SYT7: variants seen among roughly 807,000 people sequenced by gnomAD.
SYT7 encodes synaptotagmin-7.
A neutral mutation model predicts 75.1 loss-of-function variants in SYT7; 29 were observed. The ratio of observed to expected loss-of-function variants is 0.39; its 90% CI spans 0.29 to 0.53. The LOEUF is 0.53. Ranked by LOEUF, SYT7 falls within the 20% of genes least tolerant of loss-of-function variation. The pLI, the probability that SYT7 is intolerant of heterozygous loss-of-function variation, is 0.77. For missense variants in SYT7, 693 were observed against 953.2 expected (o/e 0.73, Z 3.59); for synonymous variants, 376 against 401.7 (o/e 0.94, Z 0.76).
intron 3 of SYT7, among the ~76,000 whole-genome samples, chr11:61,547,515 C>G (rs1717885876): frequency 6.6e-6 from 1 of 152,174 alleles, no homozygotes; most frequent in Admixed American, 6.5e-5. Flanking sequence ...CACACGCACA[C>G]ATGTGCAAAC....
intron 12 of SYT7, among the ~76,000 whole-genome samples, chr11:61,519,715 C>T (rs1318492282): frequency 2.6e-5 from 4 of 152,320 alleles, no homozygotes; most frequent in Middle Eastern, 3.4e-3. Context: ...AAATGTGAGA[C>T]GCTAACAACT....
chr11:61,519,940 C>A (rs2062262071), intron 12 of SYT7, among the ~76,000 whole-genome samples: 1 of 152,162 alleles, frequency 6.6e-6, no homozygotes, highest in South Asian at 2.1e-4. Context: ...CCTGCCTCAG[C>A]CTCCCGAGTA....
In SYT7 at chr11:61,513,768, T is replaced by C. The variant is rs186885580; in HGVS notation, c.*4859A>G. Among the ~76,000 whole-genome samples, 63 of 152,288 alleles carry C rather than the reference T, an allele frequency of 4.1e-4. No individual in the cohort carries two copies. The highest frequency in any genetic ancestry group is 5.9e-4 in the Admixed American group (9 of 15,302). ...ACACCTGGGCGTGCCACATGGAACA[T>C]GTATGCAGACAGGGATCCCTGCCCA... On this transcript the variant is annotated 3_prime_UTR_variant, in exon 13 of 13. Transcript: ENST00000539008.
At chr11:61,557,922 C>T (rs2063539219) in intron 1 of SYT7, among the ~76,000 whole-genome samples, 1 of 152,200 alleles carries the variant, frequency 6.6e-6, no homozygotes, top group Admixed American at 6.5e-5. Flanking sequence ...AGGAGCAGGG[C>T]ACTCCACCAC....
chr11:61,538,642 A>G (rs556570692), intron 6 of SYT7, among the ~76,000 whole-genome samples: 2 of 152,148 alleles, frequency 1.3e-5, no homozygotes, highest in South Asian at 2.1e-4. Context: ...GACAGTCCCA[A>G]GGGAACACGG....
At chr11:61,547,632 G>C (rs1449450830) in intron 3 of SYT7, among the ~76,000 whole-genome samples, 2 of 151,862 alleles carry the variant, frequency 1.3e-5, no homozygotes, top group African/African-American at 2.4e-5. Context: ...TGGTGGGAGA[G>C]AGAAAATGAT....
chr11:61,524,241 C>T lies in SYT7; in HGVS notation c.1641+122G>A, dbSNP rs1590825848. 1 of 1,216,628 alleles carries T rather than the reference C, an allele frequency of 8.2e-7. No homozygotes were observed. Among genetic ancestry groups the T allele is most frequent in the East Asian group, 2.5e-5 (1 of 39,680 alleles). The allele number at this position is 1,216,628 out of a possible 1,614,324, so 75.4% of individuals were successfully genotyped here. On this transcript the variant is annotated intron_variant, in intron 10 of 12. Coordinates refer to ENST00000539008, the MANE Select transcript of SYT7 (RefSeq NM_001365809.2). The surrounding 1 kb of genome is among the most constrained non-coding windows in gnomAD (Gnocchi z 4.1). ...AGCGAGGGCTGAGCTCCATCGGGTC[C>T]ACCCATCTGCACCCTCTCCCACAGC...
At chr11:61,526,800 T>C (rs1014439501) in intron 9 of SYT7, among the ~76,000 whole-genome samples, 1 of 152,124 alleles carries the variant, frequency 6.6e-6, no homozygotes, top group Non-Finnish European at 1.5e-5. Context: ...CAGAAACACA[T>C]GGACACTCAC....
intron 7 of SYT7, among the ~76,000 whole-genome samples, chr11:61,536,861 GC>G (rs1326633892): frequency 2.0e-5 from 3 of 152,170 alleles, no homozygotes; most frequent in African/African-American, 7.2e-5. Context: ...GCCCCTAGGG[GC>G]CTCTCAAGAG....
chr11:61,531,440 G>A (rs2062704843), intron 8 of SYT7, among the ~76,000 whole-genome samples: 1 of 152,050 alleles, frequency 6.6e-6, no homozygotes, highest in East Asian at 1.9e-4. Flanking sequence ...AGAGAAGACA[G>A]CTGGGGCCAG....
At position 61,518,667 on chromosome 11, in the gene SYT7, G is replaced by A; in HGVS notation, c.2021C>T (p.Pro674Leu). The A allele has an allele frequency of 1.3e-6, 2 of 1,549,644 alleles. No individual in the cohort carries two copies. The highest frequency in any genetic ancestry group is 1.7e-6 in the Non-Finnish European group (2 of 1,145,912). The part of the protein sequence containing the change: ...VKHWKDMIAR[P>L]RQPVAQWHQL... ...GTGCCACTGGGCCACGGGCTGCCGG[G>A]GACGGGCAATCATGTCCTTCCAGTG... The change falls in exon 13 of 13, where the codon CCC becomes CTC. Residue 674 changes from proline (P) to leucine (L), a missense_variant. Around this residue, in one of 2 missense-constraint regions of SYT7, gnomAD observed 206 missense variants for 360.0 expected, o/e 0.57. Coordinates refer to ENST00000539008, the MANE Select transcript of SYT7 (RefSeq NM_001365809.2).
At chr11:61,533,572 C>G (rs1013746530) in intron 7 of SYT7, 1 of 985,294 alleles carries the variant, frequency 1.0e-6, no homozygotes, top group Admixed American at 6.1e-5. Context: ...TCTGCAAACA[C>G]GCCCAGAATG....
chr11:61,572,446 C>CA (rs2063948641), intron 1 of SYT7, among the ~76,000 whole-genome samples: 1 of 152,202 alleles, frequency 6.6e-6, no homozygotes, highest in Non-Finnish European at 1.5e-5. Flanking sequence ...GATAAGGAGG[C>CA]ACCAGGCAAC....
At position 61,576,573 on chromosome 11, in the gene SYT7, C is replaced by G. The variant is rs1221940125; in HGVS notation, c.31+4217G>C. 1.3e-5 allele frequency among the ~76,000 whole-genome samples: 2 copies of G among 152,356 alleles called. No homozygotes were observed. Among genetic ancestry groups the G allele is most frequent in the Non-Finnish European group, 1.5e-5 (1 of 68,026 alleles). On this transcript the variant is annotated intron_variant, in intron 1 of 12. Transcript: ENST00000539008. The surrounding 1 kb of genome is among the most constrained non-coding windows in gnomAD (Gnocchi z 4.1). ...AGCTCCGGACTGGGCCTCCCGCCCCCACGTGACCCCTCCCAGCTCTTCTCC... is the reference window on the plus strand; with the variant it reads ...AGCTCCGGACTGGGCCTCCCGCCCCGACGTGACCCCTCCCAGCTCTTCTCC...
At chr11:61,555,352 G>C (rs1273604016) in intron 2 of SYT7, among the ~76,000 whole-genome samples, 1 of 152,224 alleles carries the variant, frequency 6.6e-6, no homozygotes. Flanking sequence ...CTTCTGGGCC[G>C]GGCGGCAGGA....
chr11:61,559,373 G>A (rs1382811238), intron 1 of SYT7, among the ~76,000 whole-genome samples: 3 of 152,142 alleles, frequency 2.0e-5, no homozygotes, highest in East Asian at 1.9e-4. Context: ...GTGAGGAGCC[G>A]GACTTAGGGT....
chr11:61,574,402 A>T (rs114112471), intron 1 of SYT7, among the ~76,000 whole-genome samples: 275 of 152,272 alleles, frequency 1.8e-3, no homozygotes, highest in African/African-American at 6.5e-3. Flanking sequence ...AGCTCAAGCA[A>T]GCTGTCCCTG....
intron 1 of SYT7, among the ~76,000 whole-genome samples, chr11:61,573,193 G>C (rs926346930): frequency 6.6e-6 from 1 of 152,160 alleles, no homozygotes; most frequent in Non-Finnish European, 1.5e-5. Flanking sequence ...CTGATGCCTG[G>C]GGGGGTTATG....
chr11:61,533,317 T>C (rs1047277388), intron 7 of SYT7, 193 bp from the exon 8 acceptor site: 3 of 985,308 alleles, frequency 3.0e-6, no homozygotes, highest in African/African-American at 3.5e-5. Flanking sequence ...CCATTCTCCT[T>C]GCAGCCTCTA....
Sources: gnomAD v4.1 joint callset for allele counts (sites outside exome capture counted in the v4.1 genomes callset) on GRCh38, gnomAD v4.1.1 for gene constraint, gnomAD v4.1.1 regional missense constraint, Gnocchi (gnomAD v3.1) non-coding constraint, MANE v1.5 for transcripts, NCBI Gene and HGNC (gene_info 2026-07-23, HGNC 2026-07-21) for gene names.